FGFR2: variants seen among roughly 807,000 people sequenced by gnomAD.
The protein encoded by FGFR2 is BEK fibroblast growth factor receptor.
FGFR2 carries 19 observed loss-of-function variants against 95.9 expected under a neutral mutation model. That is an observed-to-expected ratio of 0.20 (90% CI 0.14 to 0.29). The LOEUF is 0.29. Ranked by LOEUF, FGFR2 falls within the 10% of genes least tolerant of loss-of-function variation. The probability of loss-of-function intolerance (pLI) is 1.00; values close to 1 mark genes in which losing one functional copy is unlikely to be tolerated. For missense variants in FGFR2, 707 were observed against 1,056.9 expected, an observed-to-expected ratio of 0.67 and a Z score of 4.59; for synonymous variants, 392 against 393.3, an observed-to-expected ratio of 1.00 and a Z score of 0.04.
At chr10:121,500,276 T>C (rs1189520517) in intron 11 of FGFR2, among the ~76,000 whole-genome samples, 3 of 152,156 alleles carry the variant, frequency 2.0e-5, no homozygotes, top group Non-Finnish European at 2.9e-5. Flanking sequence ...GGTAATTGTT[T>C]ATGTGTCCCA....
chr10:121,522,277 C>T (rs986172115), intron 6 of FGFR2, among the ~76,000 whole-genome samples: 13 of 152,284 alleles, frequency 8.5e-5, no homozygotes, highest in South Asian at 2.1e-4. Context: ...GAAGACCAGG[C>T]GCAGTGGTTC....
At chr10:121,488,143 A>C in intron 13 of FGFR2, 30 bp from the exon 14 acceptor site, 1 of 1,608,108 alleles carries the variant, frequency 6.2e-7, no homozygotes, top group Non-Finnish European at 8.5e-7. Context: ...AAGAGAAATA[A>C]CTAATTTCAA....
At chr10:121,556,396 ACTCT>A (rs35668561) in intron 4 of FGFR2, among the ~76,000 whole-genome samples, 1,608 of 127,736 alleles carry the variant, frequency 0.013, 8 homozygotes, top group Admixed American at 0.015. Context: ...TTTATAATCT[ACTCT>A]CTCTCTCTCT....
chr10:121,563,723 A>G (rs1857281665), intron 4 of FGFR2, among the ~76,000 whole-genome samples: 1 of 152,220 alleles, frequency 6.6e-6, no homozygotes, highest in Non-Finnish European at 1.5e-5. Context: ...CAGAAGTGAA[A>G]TGAGCAACTC....
rs1013657117 is a variant in FGFR2, at chr10:121,581,742, C to T, written c.109+11967G>A. On this transcript the variant is annotated intron_variant, in intron 2 of 17. Transcript: ENST00000358487. ...ACTCCAGCCTGGGTGACACAGTGAA[C>T]AGAGAGAGACCCTGCATTTAAAAAA... 1.6e-3 allele frequency among the ~76,000 whole-genome samples: 195 copies of T among 119,310 alleles called. 2 individuals carry two copies. The highest frequency in any genetic ancestry group is 2.3e-3 in the Non-Finnish European group (140 of 61,480). The allele number at this position is 119,310 out of a possible 152,430, so 78.3% of individuals were successfully genotyped here.
chr10:121,493,705 C>T lies in FGFR2; in HGVS notation c.1863+2827G>A, dbSNP rs190667191. Among the ~76,000 whole-genome samples the T allele has an allele frequency of 2.1e-3, 321 of 152,328 alleles. 1 individual carries two copies. The highest frequency in any genetic ancestry group is 7.2e-3 in the African/African-American group (300 of 41,582). Reference sequence around the variant, plus strand: ...TGTCCACGCCCATGGCTTGAACTCACAGCTCCCTTTGCTGCCTCCCAGCTG... The same window carrying T: ...TGTCCACGCCCATGGCTTGAACTCATAGCTCCCTTTGCTGCCTCCCAGCTG... On this transcript the variant is annotated intron_variant, in intron 13 of 17. Coordinates refer to ENST00000358487, the MANE Select transcript of FGFR2 (RefSeq NM_000141.5).
At chr10:121,567,649 G>GGCA (rs1440790916) in intron 2 of FGFR2, among the ~76,000 whole-genome samples, 1 of 152,212 alleles carries the variant, frequency 6.6e-6, no homozygotes, top group African/African-American at 2.4e-5. Context: ...GCAAGGTACG[G>GGCA]GCACACACAG....
chr10:121,540,123 GA>G (rs1431024161), intron 5 of FGFR2, among the ~76,000 whole-genome samples: 40 of 152,312 alleles, frequency 2.6e-4, no homozygotes, highest in African/African-American at 9.6e-4. Flanking sequence ...CTCCTTAACA[GA>G]GTACAAGCAG....
intron 9 of FGFR2, among the ~76,000 whole-genome samples, chr10:121,508,551 C>T (rs747755169): frequency 6.6e-6 from 1 of 152,006 alleles, no homozygotes; most frequent in Non-Finnish European, 1.5e-5. Flanking sequence ...CAGACTGTCT[C>T]GAGAAGATTT....
At chr10:121,575,946 G>T (rs1859664149) in intron 2 of FGFR2, among the ~76,000 whole-genome samples, 1 of 151,794 alleles carries the variant, frequency 6.6e-6, no homozygotes, top group Non-Finnish European at 1.5e-5. Context: ...AGCACTTTGG[G>T]AGGCCAAGGA....
chr10:121,510,713 C>T (rs940070948), intron 9 of FGFR2, among the ~76,000 whole-genome samples: 3 of 151,834 alleles, frequency 2.0e-5, no homozygotes, highest in East Asian at 1.9e-4. Flanking sequence ...CTATTCCTAA[C>T]GTCCCCAGGA....
intron 11 of FGFR2, among the ~76,000 whole-genome samples, chr10:121,498,881 A>C (rs1847227757): frequency 6.6e-6 from 1 of 152,152 alleles, no homozygotes. Context: ...TCTTTCCTAG[A>C]CCATGAGATA....
intron 11 of FGFR2, among the ~76,000 whole-genome samples, chr10:121,498,869 A>G (rs1005036882): frequency 2.0e-4 from 30 of 152,288 alleles, no homozygotes; most frequent in African/African-American, 6.0e-4. Context: ...ACTAATGCCA[A>G]TTCTTTCCTA....
intron 2 of FGFR2, among the ~76,000 whole-genome samples, chr10:121,567,540 C>A (rs1269565179): frequency 1.3e-5 from 2 of 152,218 alleles, no homozygotes; most frequent in East Asian, 1.9e-4. Context: ...AAAGACCCTG[C>A]ACTTGTGGAG....
At chr10:121,594,681 G>A (rs1863176838) in intron 1 of FGFR2, among the ~76,000 whole-genome samples, 1 of 152,214 alleles carries the variant, frequency 6.6e-6, no homozygotes, top group Non-Finnish European at 1.5e-5. Context: ...AAAGGACTTC[G>A]AAGCCTGAAT....
intron 2 of FGFR2, among the ~76,000 whole-genome samples, chr10:121,569,224 CTTTTT>C (rs749808833): frequency 2.4e-5 from 2 of 83,820 alleles, no homozygotes; most frequent in African/African-American, 5.1e-5. Context: ...CTTTTCTTTT[CTTTTT>C]TTTTTTTTTG....
At chr10:121,573,560 G>C (rs1859193990) in intron 2 of FGFR2, among the ~76,000 whole-genome samples, 1 of 151,922 alleles carries the variant, frequency 6.6e-6, no homozygotes, top group South Asian at 2.1e-4. Context: ...GGGAGAGGGG[G>C]AAAAAGGAGA....
chr10:121,498,038 A>C (rs569264728), intron 12 of FGFR2, among the ~76,000 whole-genome samples: 1 of 152,252 alleles, frequency 6.6e-6, no homozygotes, highest in Non-Finnish European at 1.5e-5. Context: ...GTATTCCTTC[A>C]TACCGCTTTC....
chr10:121,565,946 T>C, intron 2 of FGFR2: 3 of 584,358 alleles, frequency 5.1e-6, no homozygotes, highest in Non-Finnish European at 9.2e-6. Flanking sequence ...TATGGGGCTT[T>C]AGAAACAAAC....
Sources: gnomAD v4.1 joint callset for allele counts (sites outside exome capture counted in the v4.1 genomes callset) on GRCh38, gnomAD v4.1.1 for gene constraint, MANE v1.5 for transcripts, NCBI Gene and HGNC (gene_info 2026-07-23, HGNC 2026-07-21) for gene names.